The following CLSTN2 variants were observed in gnomAD, a reference collection of about 807,000 sequenced individuals.
CLSTN2 encodes the protein calsyntenin 2.
In CLSTN2, 48 loss-of-function variants were observed where a neutral mutation model predicts 101.2. That is an observed-to-expected ratio of 0.47 (90% CI 0.38 to 0.60). The LOEUF is 0.60. Among genes scored for constraint, CLSTN2 ranks in the 20% least tolerant of loss-of-function variants. CLSTN2 has a pLI of 0.00. For synonymous variants in CLSTN2, 481 were observed against 463.6 expected (o/e 1.04, Z -0.48); for missense variants, 1,160 against 1,238.2 (o/e 0.94, Z 0.95).
intron 8 of CLSTN2, chr3:140,506,044 C>A (rs1934678532): frequency 6.6e-6 from 1 of 152,200 alleles, no homozygotes; most frequent in African/African-American, 2.4e-5. Context: ...AGTCTCTGAG[C>A]CACAGAAAAA....
In CLSTN2 at chr3:140,573,204, C is replaced by T. The variant is rs1985615638; in HGVS notation, c.*6951C>T. On this transcript the variant is annotated 3_prime_UTR_variant, in exon 17 of 17. Transcript: ENST00000458420. ...TGTATGCTGGTGGAGACACCCAGGGCCTGGCAGAGTGTGGAGGGGGTCATT... is the reference window on the plus strand; with the variant it reads ...TGTATGCTGGTGGAGACACCCAGGGTCTGGCAGAGTGTGGAGGGGGTCATT... 6.6e-6 allele frequency: 1 copy of T among 152,280 alleles called. No homozygotes were observed. The allele number at this position is 152,280 out of a possible 1,614,324, so 9.4% of individuals were successfully genotyped here.
At chr3:140,195,268 T>C (rs973726943) in intron 2 of CLSTN2, among the ~76,000 whole-genome samples, 3 of 152,174 alleles carry the variant, frequency 2.0e-5, no homozygotes, top group Admixed American at 6.5e-5. Context: ...TTCTTGGGTA[T>C]TTTTTGGTTT....
chr3:140,147,670 C>G (rs1024044796), intron 1 of CLSTN2, among the ~76,000 whole-genome samples: 1 of 152,156 alleles, frequency 6.6e-6, no homozygotes, highest in Admixed American at 6.5e-5. Context: ...CAACACAGTA[C>G]TGAGTGCTTT....
chr3:140,227,669 C>A (rs1267443298), intron 2 of CLSTN2, among the ~76,000 whole-genome samples: 3 of 152,184 alleles, frequency 2.0e-5, no homozygotes, highest in Admixed American at 2.0e-4. Context: ...GGACCCCAAC[C>A]CTGTGCAAAC....
intron 1 of CLSTN2, among the ~76,000 whole-genome samples, chr3:140,044,083 G>A (rs1273049709): frequency 6.6e-6 from 1 of 152,194 alleles, no homozygotes; most frequent in Non-Finnish European, 1.5e-5. Flanking sequence ...TTGGTAGCTT[G>A]ATGGGGATGG....
In CLSTN2 at chr3:140,576,421, T is replaced by C. The variant is rs115464104; in HGVS notation, c.*10168T>C. 196 of 152,364 alleles carry C rather than the reference T, an allele frequency of 1.3e-3. 2 individuals carry two copies. The highest frequency in any genetic ancestry group is 4.5e-3 in the African/African-American group (189 of 41,592). 9.4% of individuals were successfully genotyped at this position (152,364 alleles called of 1,614,324 possible). On this transcript the variant is annotated 3_prime_UTR_variant, in exon 17 of 17. Coordinates refer to ENST00000458420, the MANE Select transcript of CLSTN2 (RefSeq NM_022131.3). ...TGAATTTTTCACCTCCAGGCATGAT[T>C]TTGTAACCAATGTAAAGGTTCTGGG...
chr3:140,078,950 T>C (rs1288544583), intron 1 of CLSTN2, among the ~76,000 whole-genome samples: 1 of 152,184 alleles, frequency 6.6e-6, no homozygotes, highest in Non-Finnish European at 1.5e-5. Context: ...TAAATGTTTA[T>C]CCATAAGGAG....
At chr3:139,970,707 G>T (rs546373753) in intron 1 of CLSTN2, among the ~76,000 whole-genome samples, 137 of 152,312 alleles carry the variant, frequency 9.0e-4, no homozygotes, top group African/African-American at 2.9e-3. Context: ...ACCTGAGATT[G>T]CCTCCTGCCA....
chr3:139,948,377 A>C (rs1935244425), intron 1 of CLSTN2, among the ~76,000 whole-genome samples: 1 of 152,086 alleles, frequency 6.6e-6, no homozygotes. Flanking sequence ...AGGCAGGAGA[A>C]TCACTTGAAT....
intron 2 of CLSTN2, among the ~76,000 whole-genome samples, chr3:140,374,922 T>C (rs929073985): frequency 6.6e-6 from 1 of 152,250 alleles, no homozygotes; most frequent in Non-Finnish European, 1.5e-5. Context: ...AATTATTCCC[T>C]CTGACTACAC....
intron 2 of CLSTN2, among the ~76,000 whole-genome samples, chr3:140,190,830 G>A (rs996350511): frequency 1.3e-5 from 2 of 151,748 alleles, no homozygotes; most frequent in African/African-American, 4.8e-5. Context: ...AGATTTCTTG[G>A]GACTTTCCAT....
intron 1 of CLSTN2, among the ~76,000 whole-genome samples, chr3:139,956,486 G>A (rs1935404607): frequency 6.6e-6 from 1 of 152,084 alleles, no homozygotes; most frequent in African/African-American, 2.4e-5. Flanking sequence ...AGGCGTTGTT[G>A]CTCACATCCT....
At chr3:140,474,955 C>CTGTGTTG (rs1482003025) in intron 8 of CLSTN2, among the ~76,000 whole-genome samples, 12 of 150,894 alleles carry the variant, frequency 8.0e-5, no homozygotes, top group South Asian at 2.1e-4. Context: ...TGGAAAGAAG[C>CTGTGTTG]CCCCACTACA....
At chr3:140,274,304 G>C (rs13066966) in intron 2 of CLSTN2, among the ~76,000 whole-genome samples, 55,332 of 152,060 alleles carry the variant, frequency 0.36, 11,291 homozygotes, top group Non-Finnish European at 0.47. Context: ...CCTGGGAAGA[G>C]CTCTGACTGA....
intron 1 of CLSTN2, among the ~76,000 whole-genome samples, chr3:140,126,477 C>T (rs1225179639): frequency 6.6e-6 from 1 of 152,026 alleles, no homozygotes; most frequent in Non-Finnish European, 1.5e-5. Context: ...CAAAAAAAGC[C>T]CTAAGGGACC....
chr3:139,942,630 T>C (rs543964225), intron 1 of CLSTN2, among the ~76,000 whole-genome samples: 1 of 152,290 alleles, frequency 6.6e-6, no homozygotes, highest in Non-Finnish European at 1.5e-5. Flanking sequence ...TGCCTTTTCT[T>C]CCACTCTCAC....
rs1343285161 is a variant in CLSTN2 at position 140,513,599 on chromosome 3, T to TG, written c.1345-18725_1345-18724insG. 3.1e-3 allele frequency among the ~76,000 whole-genome samples: 457 copies of TG among 148,616 alleles called. 4 individuals are homozygous for TG. The highest frequency in any genetic ancestry group is 9.0e-3 in the African/African-American group (362 of 40,340). ...TTTTTCTTTCTTTTTTTTTTTTTTT[T>TG]TGGGTGTGTGTCTCTGCCAGATTTT... On this transcript the variant is annotated intron_variant, in intron 8 of 16. Transcript: ENST00000458420.
Position 139,935,831 on chromosome 3 carries a change from T to TG in CLSTN2, c.109+352dup, listed in dbSNP as rs1187078648. On this transcript the variant is annotated intron_variant, in intron 1 of 16. Coordinates refer to ENST00000458420, the MANE Select transcript of CLSTN2 (RefSeq NM_022131.3). The surrounding 1 kb of genome is among the most constrained non-coding windows in gnomAD (Gnocchi z 5.5). ...GCTAGAGCAGGGCGCTGGCGCGCCG[T>TG]GGGGACAAGCAGGTGTCTGCTCCTG... Among the ~76,000 whole-genome samples the TG allele has an allele frequency of 6.6e-6, 1 of 151,738 alleles. No homozygotes were observed. Among genetic ancestry groups the TG allele is most frequent in the Non-Finnish European group, 1.5e-5 (1 of 67,910 alleles).
intron 1 of CLSTN2, among the ~76,000 whole-genome samples, chr3:139,969,796 C>T (rs1935663329): frequency 6.6e-6 from 1 of 152,196 alleles, no homozygotes. Flanking sequence ...CAACCATCAC[C>T]CACTGGCTCC....
Sources: allele counts gnomAD v4.1 joint callset (sites outside exome capture counted in the v4.1 genomes callset), GRCh38; gene constraint gnomAD v4.1.1; non-coding constraint Gnocchi (gnomAD v3.1); transcripts MANE v1.5; gene names NCBI Gene and HGNC (gene_info 2026-07-23, HGNC 2026-07-21).